Variants in ITGBL1 observed in about 807,000 individuals in gnomAD.
ITGBL1 encodes the protein integrin subunit beta like 1.
ITGBL1 carries 51 observed loss-of-function variants against 68.5 expected under a neutral mutation model. The observed-to-expected ratio is 0.74, with a 90% CI of 0.59 to 0.94. ITGBL1 has a LOEUF of 0.94. Among genes scored for constraint, ITGBL1 ranks in the 40% least tolerant of loss-of-function variants. The pLI, the probability that ITGBL1 is intolerant of heterozygous loss-of-function variation, is 0.00. For missense variants in ITGBL1, 649 were observed against 647.4 expected (o/e 1.00, Z -0.03); for synonymous variants, 209 against 227.3 (o/e 0.92, Z 0.72).
At chr13:101,457,002 ACTT>A (rs2048253475) in intron 2 of ITGBL1, among the ~76,000 whole-genome samples, 1 of 152,208 alleles carries the variant, frequency 6.6e-6, no homozygotes, top group Non-Finnish European at 1.5e-5. Context: ...TTGGGCAGTT[ACTT>A]AAACATTCTG....
intron 2 of ITGBL1, among the ~76,000 whole-genome samples, chr13:101,508,880 T>A (rs1333684841): frequency 6.6e-6 from 1 of 152,158 alleles, no homozygotes; most frequent in Non-Finnish European, 1.5e-5. Context: ...TTTAAGGTTT[T>A]TTAAAAAATT....
At chr13:101,475,635 A>G (rs1046880455) in intron 2 of ITGBL1, among the ~76,000 whole-genome samples, 1 of 152,176 alleles carries the variant, frequency 6.6e-6, no homozygotes, top group African/African-American at 2.4e-5. Flanking sequence ...TCAATAGTCA[A>G]ATTCCCAAAG....
intron 7 of ITGBL1, among the ~76,000 whole-genome samples, chr13:101,691,125 C>A (rs2033874565): frequency 6.6e-6 from 1 of 152,120 alleles, no homozygotes; most frequent in South Asian, 2.1e-4. Flanking sequence ...CTTTCACCCT[C>A]AAGAATAAAA....
At chr13:101,652,129 T>G (rs753623679) in intron 7 of ITGBL1, among the ~76,000 whole-genome samples, 5 of 152,160 alleles carry the variant, frequency 3.3e-5, no homozygotes, top group Non-Finnish European at 7.3e-5. Flanking sequence ...AGGATCTCAC[T>G]CTGTAGTTCA....
chr13:101,463,178 C>G (rs2048340383), intron 2 of ITGBL1, among the ~76,000 whole-genome samples: 1 of 152,118 alleles, frequency 6.6e-6, no homozygotes, highest in South Asian at 2.1e-4. Flanking sequence ...AGCGTAATTC[C>G]TGGTCCTAAG....
chr13:101,651,572 C>G (rs1360098057), intron 7 of ITGBL1, among the ~76,000 whole-genome samples: 1 of 151,978 alleles, frequency 6.6e-6, no homozygotes, highest in Non-Finnish European at 1.5e-5. Flanking sequence ...GGATATTAGA[C>G]CTTTGTCAGA....
chr13:101,645,912 A>G (rs1343659580), intron 7 of ITGBL1, among the ~76,000 whole-genome samples: 2 of 152,142 alleles, frequency 1.3e-5, no homozygotes, highest in African/African-American at 4.8e-5. Context: ...AGCTTTTGAT[A>G]TTTGAATTTT....
At position 101,627,882 on chromosome 13, in the gene ITGBL1, G is replaced by A. The variant is rs548501608; in HGVS notation, c.1015+29583G>A. On this transcript the variant is annotated intron_variant, in intron 7 of 10. Coordinates refer to ENST00000376180, the MANE Select transcript of ITGBL1 (RefSeq NM_004791.3). ...GACGTCTTGGTTGCTTCCAAGTTTC[G>A]GCAATTATAATGTAGCTGCTGTAAA... 7.9e-5 allele frequency among the ~76,000 whole-genome samples: 12 copies of A among 152,152 alleles called. No homozygotes were observed. The East Asian group carries it at 9.7e-4, about 12-fold the overall frequency.
chr13:101,547,243 A>G (rs1311577761), intron 2 of ITGBL1, among the ~76,000 whole-genome samples: 1 of 151,554 alleles, frequency 6.6e-6, no homozygotes, highest in African/African-American at 2.4e-5. Context: ...TCCTTTTTGA[A>G]TTTATTATGA....
intron 2 of ITGBL1, among the ~76,000 whole-genome samples, chr13:101,487,488 T>C (rs950401975): frequency 6.6e-6 from 1 of 152,234 alleles, no homozygotes; most frequent in African/African-American, 2.4e-5. Context: ...AAATTGGCAA[T>C]TATATTTGAC....
At position 101,599,440 on chromosome 13, in the gene ITGBL1, A is replaced by C. The variant is rs948893639; in HGVS notation, c.1015+1141A>C. 7.2e-3 allele frequency among the ~76,000 whole-genome samples: 1,088 copies of C among 150,950 alleles called. 7 individuals carry two copies. The highest frequency in any genetic ancestry group is 0.025 in the African/African-American group (1,031 of 41,248). Reference sequence around the variant, plus strand: ...TGCTGTGCAGAAGCTCTTTAGTTTAATTAGATCCCATTTGTCAATTTTGAC... The same window carrying C: ...TGCTGTGCAGAAGCTCTTTAGTTTACTTAGATCCCATTTGTCAATTTTGAC... On this transcript the variant is annotated intron_variant, in intron 7 of 10. Coordinates refer to ENST00000376180, the MANE Select transcript of ITGBL1 (RefSeq NM_004791.3).
intron 2 of ITGBL1, among the ~76,000 whole-genome samples, chr13:101,485,061 A>G (rs1426379851): frequency 6.6e-6 from 1 of 152,240 alleles, no homozygotes; most frequent in Non-Finnish European, 1.5e-5. Flanking sequence ...AGACAGTAGA[A>G]CAACATCTTT....
intron 2 of ITGBL1, among the ~76,000 whole-genome samples, chr13:101,537,835 T>A (rs1440128764): frequency 6.6e-6 from 1 of 152,044 alleles, no homozygotes; most frequent in Non-Finnish European, 1.5e-5. Flanking sequence ...GAAGATCCAC[T>A]GAGTTTTAGT....
chr13:101,614,748 T>C (rs2031281968), intron 7 of ITGBL1, among the ~76,000 whole-genome samples: 1 of 152,118 alleles, frequency 6.6e-6, no homozygotes, highest in South Asian at 2.1e-4. Flanking sequence ...GTAAAACCAT[T>C]GCATGTTGTC....
At chr13:101,523,392 T>TGC (rs1396889154) in intron 2 of ITGBL1, among the ~76,000 whole-genome samples, 5 of 152,282 alleles carry the variant, frequency 3.3e-5, no homozygotes, top group African/African-American at 1.2e-4. Flanking sequence ...TCCTGGAGCG[T>TGC]GCAGTTCACC....
chr13:101,572,222 C>A (rs574926649), intron 3 of ITGBL1, among the ~76,000 whole-genome samples: 2 of 152,228 alleles, frequency 1.3e-5, no homozygotes, highest in African/African-American at 4.8e-5. Context: ...TGAAGTCTCT[C>A]TATTAATCCT....
At chr13:101,453,330 T>G (rs1355022563) in intron 1 of ITGBL1, among the ~76,000 whole-genome samples, 1 of 152,198 alleles carries the variant, frequency 6.6e-6, no homozygotes, top group Non-Finnish European at 1.5e-5. Context: ...TGAGGCACAC[T>G]GCAATAGTGA....
chr13:101,634,650 C>T (rs576267570), intron 7 of ITGBL1, among the ~76,000 whole-genome samples: 1 of 152,232 alleles, frequency 6.6e-6, no homozygotes, highest in African/African-American at 2.4e-5. Flanking sequence ...TGGACCTACT[C>T]AGCTAAGAGT....
chr13:101,564,244 C>G (rs910798414), intron 2 of ITGBL1, among the ~76,000 whole-genome samples: 26 of 151,814 alleles, frequency 1.7e-4, no homozygotes, highest in African/African-American at 5.8e-4. Flanking sequence ...TCCATACTTA[C>G]TATAAATTAG....
Sources: gnomAD v4.1 joint callset for allele counts (sites outside exome capture counted in the v4.1 genomes callset) on GRCh38, gnomAD v4.1.1 for gene constraint, MANE v1.5 for transcripts, NCBI Gene and HGNC (gene_info 2026-07-23, HGNC 2026-07-21) for gene names.